Variants in STAU2 observed in about 807,000 individuals in gnomAD.
STAU2 encodes the protein staufen double-stranded RNA binding protein 2.
A neutral mutation model predicts 65.9 loss-of-function variants in STAU2; 20 were observed. The observed-to-expected ratio is 0.30, with a 90% CI of 0.21 to 0.44. The LOEUF (loss-of-function observed/expected upper bound fraction) is 0.44, where lower values mean the gene tolerates loss of function less well. Ranked by LOEUF, STAU2 falls within the 20% of genes least tolerant of loss-of-function variation. STAU2 has a pLI of 1.00. For missense variants in STAU2, 558 were observed against 683.9 expected (o/e 0.82, Z 2.05); for synonymous variants, 232 against 233.9 (o/e 0.99, Z 0.07).
chr8:73,510,938 T>C (rs148342081), intron 13 of STAU2, among the ~76,000 whole-genome samples: 99 of 152,348 alleles, frequency 6.5e-4, no homozygotes, highest in African/African-American at 2.2e-3. Context: ...AATTTAAAAG[T>C]TAAGTAGAAT....
intron 13 of STAU2, among the ~76,000 whole-genome samples, chr8:73,497,245 T>C (rs1741320684): frequency 6.6e-6 from 1 of 151,730 alleles, no homozygotes; most frequent in Non-Finnish European, 1.5e-5. Flanking sequence ...ATGATGCAGA[T>C]TTGGCTCTAA....
At chr8:73,568,714 A>C (rs1217259992) in intron 12 of STAU2, among the ~76,000 whole-genome samples, 3 of 152,246 alleles carry the variant, frequency 2.0e-5, no homozygotes, top group African/African-American at 7.2e-5. Context: ...GTATATGGTA[A>C]CAGTGAACTC....
chr8:73,505,478 G>T (rs1822009002), intron 13 of STAU2, among the ~76,000 whole-genome samples: 3 of 152,048 alleles, frequency 2.0e-5, no homozygotes, highest in African/African-American at 7.2e-5. Flanking sequence ...CTCAAGTCCT[G>T]AGGCTTGAGT....
Position 73,460,424 on chromosome 8 carries a change from G to A in STAU2, c.1531-37722C>T, listed in dbSNP as rs891490243. On this transcript the variant is annotated intron_variant, in intron 13 of 14. Transcript: ENST00000524300. ...TGTATGGTGAATTACTACAGGGGAC[G>A]AGAGAGGTTTTGAACAAGTTTAAAC... Among the ~76,000 whole-genome samples, 7 of 152,204 alleles carry A rather than the reference G, an allele frequency of 4.6e-5. No homozygotes were observed. The South Asian group carries it at 6.2e-4, about 14-fold the overall frequency.
At chr8:73,653,665 C>A (rs1183849041) in intron 6 of STAU2, 3 of 179,930 alleles carry the variant, frequency 1.7e-5, no homozygotes, top group South Asian at 1.1e-4. Context: ...AGCTCTGCAA[C>A]CAGAAATTCT....
intron 11 of STAU2, among the ~76,000 whole-genome samples, chr8:73,593,862 C>T (rs1257432052): frequency 1.3e-5 from 1 of 76,096 alleles, no homozygotes; most frequent in Non-Finnish European, 2.5e-5. Context: ...AATATATATA[C>T]ACAGACAGAC....
intron 5 of STAU2, among the ~76,000 whole-genome samples, chr8:73,687,223 C>CTTAAATATAAATTAATTTAAATAT (rs1818916402): frequency 7.7e-6 from 1 of 130,340 alleles, no homozygotes; most frequent in African/African-American, 2.9e-5. Flanking sequence ...TAAATATAAA[C>CTTAAATATAAATTAATTTAAATAT]TTAAATATAA....
intron 12 of STAU2, among the ~76,000 whole-genome samples, chr8:73,566,461 T>C (rs1031236608): frequency 6.6e-6 from 1 of 152,234 alleles, no homozygotes; most frequent in African/African-American, 2.4e-5. Context: ...ATAAAACATC[T>C]TAAATGTTTT....
chr8:73,575,336 T>A (rs544149495), intron 12 of STAU2, among the ~76,000 whole-genome samples: 2 of 152,170 alleles, frequency 1.3e-5, no homozygotes, highest in Non-Finnish European at 2.9e-5. Flanking sequence ...AAAACTTTGA[T>A]AGCACACTGT....
intron 3 of STAU2, among the ~76,000 whole-genome samples, chr8:73,737,976 C>G (rs375374572): frequency 3.3e-5 from 5 of 151,714 alleles, no homozygotes; most frequent in East Asian, 3.9e-4. Context: ...GAACTGCCAC[C>G]TACTGAAGCT....
chr8:73,694,809 G>A (rs548030761), intron 4 of STAU2, among the ~76,000 whole-genome samples: 5 of 152,302 alleles, frequency 3.3e-5, no homozygotes, highest in South Asian at 2.1e-4. Flanking sequence ...AGGAGAGCAC[G>A]GCTATTGGAA....
In STAU2 at chr8:73,688,677, T is replaced by C. The variant is rs1476804018; in HGVS notation, c.251A>G (p.Lys84Arg). 5.0e-6 allele frequency: 8 copies of C among 1,614,120 alleles called. No homozygotes were observed. The highest frequency in any genetic ancestry group is 5.9e-6 in the Non-Finnish European group (7 of 1,180,018). The part of the protein sequence containing the change: ...TLPKPVQKPP[K>R]SNVNNNPGSI... ...ACCTGGGTTATTGTTAACATTACTT[T>C]TGGGTGGCTTCTGAACTGGTTTGGG... The change falls in exon 5 of 15, where the codon AAA (lysine) becomes AGA (arginine). Residue 84 changes from lysine (K) to arginine (R), a missense_variant. Lys to Arg is a conservative substitution (Grantham distance 26, BLOSUM62 2). Coordinates refer to ENST00000524300, the MANE Select transcript of STAU2 (RefSeq NM_001164380.2).
intron 3 of STAU2, among the ~76,000 whole-genome samples, chr8:73,726,304 T>C (rs1805630342): frequency 6.6e-6 from 1 of 152,150 alleles, no homozygotes; most frequent in Admixed American, 6.5e-5. Context: ...GTATGAGGTA[T>C]AAAAGACTAC....
At chr8:73,733,595 T>A (rs16938717) in intron 3 of STAU2, among the ~76,000 whole-genome samples, 1,570 of 152,226 alleles carry the variant, frequency 0.01, 25 homozygotes, top group African/African-American at 0.035. Flanking sequence ...TGATTATAAA[T>A]ACTAACTCAG....
chr8:73,585,251 C>T (rs1810279097), intron 11 of STAU2, among the ~76,000 whole-genome samples: 1 of 152,220 alleles, frequency 6.6e-6, no homozygotes, highest in Non-Finnish European at 1.5e-5. Context: ...GAGGCCGAGG[C>T]GAGCGGCTCA....
chr8:73,494,022 C>T (rs892469161), intron 13 of STAU2, among the ~76,000 whole-genome samples: 15 of 151,632 alleles, frequency 9.9e-5, no homozygotes, highest in Admixed American at 8.6e-4. Context: ...CTTTGAGGGT[C>T]GTGTGGGCTG....
chr8:73,615,990 G>A (rs893681592), intron 7 of STAU2, among the ~76,000 whole-genome samples: 1 of 152,202 alleles, frequency 6.6e-6, no homozygotes, highest in African/African-American at 2.4e-5. Context: ...TTCCTTGAAG[G>A]AAAAGCATTT....
chr8:73,504,252 G>A (rs1449003091), intron 13 of STAU2, among the ~76,000 whole-genome samples: 1 of 152,026 alleles, frequency 6.6e-6, no homozygotes, highest in Non-Finnish European at 1.5e-5. Context: ...GCTACTATCA[G>A]ATACAATAGC....
At chr8:73,665,475 T>A (rs1417878316) in intron 6 of STAU2, among the ~76,000 whole-genome samples, 1 of 152,240 alleles carries the variant, frequency 6.6e-6, no homozygotes, top group Non-Finnish European at 1.5e-5. Flanking sequence ...GAATTTAATG[T>A]TGTATACTTG....
Sources: allele counts gnomAD v4.1 joint callset (sites outside exome capture counted in the v4.1 genomes callset), GRCh38; gene constraint gnomAD v4.1.1; transcripts MANE v1.5; gene names NCBI Gene and HGNC (gene_info 2026-07-23, HGNC 2026-07-21).